Variants in ZP2 observed in about 807,000 individuals in gnomAD.
ZP2 encodes the protein zona pellucida sperm-binding protein 2.
ZP2 carries 51 observed loss-of-function variants against 84.0 expected under a neutral mutation model. That is an observed-to-expected ratio of 0.61 (90% CI 0.49 to 0.77). The LOEUF (loss-of-function observed/expected upper bound fraction) is 0.77. ZP2 is among the 30% of genes least tolerant of loss of function. ZP2 has a pLI of 0.00. For missense variants in ZP2, 909 were observed against 911.9 expected (o/e 1.00, Z 0.04); for synonymous variants, 375 against 330.9 (o/e 1.13, Z -1.45).
chr16:21,198,955 G>A (rs2093212148), intron 16 of ZP2, 93 bp from the exon 17 acceptor site: 5 of 1,147,458 alleles, frequency 4.4e-6, no homozygotes, highest in Admixed American at 3.8e-5. Flanking sequence ...GCTCTCTGGA[G>A]TATTTTGTTC....
chr16:21,199,832 C>G lies in ZP2; in HGVS notation c.1741G>C (p.Gly581Arg). 6.2e-7 allele frequency: 1 copy of G among 1,613,298 alleles called. No homozygotes were observed. The highest frequency in any genetic ancestry group is 8.5e-7 in the Non-Finnish European group (1 of 1,180,002). The change falls in exon 15 of 19, where the codon GGC becomes CGC. Residue 581 changes from glycine to arginine, a missense_variant. Gly to Arg is a moderately radical substitution (Grantham distance 125, BLOSUM62 -2). Transcript: ENST00000574091. Reference sequence around the variant, plus strand: ...TGATCAGGATGGGTCACAGAGGAGCCGACTGGATGGAAGGTGGTCTGGTAG... The same window carrying G: ...TGATCAGGATGGGTCACAGAGGAGCGGACTGGATGGAAGGTGGTCTGGTAG... ...DNYQTTFHPV[G>R]SSVTHPDHYQ...
Position 21,203,124 on chromosome 16 carries a change from C to T in ZP2, c.1099+1G>A, listed in dbSNP as rs1263144021. The T allele has an allele frequency of 8.7e-6, 14 of 1,612,764 alleles. No homozygotes were observed. The highest frequency in any genetic ancestry group is 1.3e-5 in the African/African-American group (1 of 74,832). On this transcript the variant is annotated splice_donor_variant, in intron 10 of 18. Coordinates refer to ENST00000574091, the MANE Select transcript of ZP2 (RefSeq NM_001376232.1). LOFTEE classifies it high-confidence loss of function. ...ACATGATTTTAATAAAAGGTCTTTA[C>T]CTATAGAAACGGGTGACTCACAGAG...
intron 4 of ZP2, among the ~76,000 whole-genome samples, 164 bp downstream of exon 4, chr16:21,209,467 C>A (rs1441189730): frequency 1.3e-5 from 2 of 152,176 alleles, no homozygotes; most frequent in African/African-American, 4.8e-5. Context: ...TCACACCTGG[C>A]CTAGACAGAT....
In ZP2 at chr16:21,203,234, T is replaced by A; in HGVS notation, c.990A>T (p.Leu330=). 6.2e-7 allele frequency: 1 copy of A among 1,613,264 alleles called. No individual in the cohort carries two copies. Among genetic ancestry groups the A allele is most frequent in the Non-Finnish European group, 8.5e-7 (1 of 1,179,666 alleles). The change falls in exon 10 of 19, where the codon CTA becomes CTT. Residue 330 remains leucine (L), a synonymous_variant. Coordinates refer to ENST00000574091, the MANE Select transcript of ZP2 (RefSeq NM_001376232.1). ...LLKTKLSEKC[L]LHQFYLASLK... ...GTGAAGCTAAGTAGAACTGATGGAG[T>A]AGGCATTTTTCAGATAACTGAAATG...
chr16:21,211,679 C>G (rs113674426), upstream of ZP2: 1,017 of 1,567,352 alleles, frequency 6.5e-4, 3 homozygotes, highest in African/African-American at 0.011. Context: ...CCAGCTGAAA[C>G]GGAAGGATTG....
At chr16:21,202,861 G>C (rs1318019308) in intron 10 of ZP2, among the ~76,000 whole-genome samples, 3 of 152,150 alleles carry the variant, frequency 2.0e-5, no homozygotes, top group Admixed American at 2.0e-4. Flanking sequence ...TTCTTACCTA[G>C]ATGTCAGGTT....
intron 12 of ZP2, 27 bp downstream of exon 12, chr16:21,201,905 A>G: frequency 6.2e-7 from 1 of 1,612,976 alleles, no homozygotes. Flanking sequence ...ACTAGAGCTT[A>G]AGAGTCAAAT....
chr16:21,214,397 A>G (rs916516978), upstream of ZP2: 3 of 498,690 alleles, frequency 6.0e-6, no homozygotes, highest in Admixed American at 1.3e-4. Flanking sequence ...GTCTCCTATC[A>G]GGAGGTAGGA....
At chr16:21,209,044 G>C (rs2093262526) in intron 4 of ZP2, among the ~76,000 whole-genome samples, 1 of 152,154 alleles carries the variant, frequency 6.6e-6, no homozygotes, top group Admixed American at 6.5e-5. Flanking sequence ...GAGGAGACTT[G>C]GGTAATGTTG....
At chr16:21,206,350 A>G (rs904359850) in intron 5 of ZP2, among the ~76,000 whole-genome samples, 13 of 152,344 alleles carry the variant, frequency 8.5e-5, no homozygotes, top group Non-Finnish European at 1.2e-4. Flanking sequence ...GAAATCAGGT[A>G]CTATGTAAAA....
chr16:21,199,462 G>A, intron 16 of ZP2, 108 bp downstream of exon 16: 1 of 1,001,110 alleles, frequency 1.0e-6, no homozygotes, highest in East Asian at 2.7e-5. Context: ...CAAGAGCTCT[G>A]GGCAGTAAAT....
Position 21,201,447 on chromosome 16 carries a change from T to C in ZP2, c.1616A>G (p.Lys539Arg), listed in dbSNP as rs2093224748. ...RVLNRDDPNI[K>R]LVLDDCWATS... ...CGCCCAGCAGTCATCTAAGACCAGC[T>C]TGATGTTGGGGTCATCCCTGTTTAG... is the stretch of plus-strand genomic sequence containing the variant. Residue 539 changes from lysine (K) to arginine (R), a missense_variant, in exon 14 of 19, where the codon AAG (lysine) becomes AGG (arginine). Coordinates refer to ENST00000574091, the MANE Select transcript of ZP2 (RefSeq NM_001376232.1). The C allele has an allele frequency of 6.2e-7, 1 of 1,613,544 alleles. No homozygotes were observed. The highest frequency in any genetic ancestry group is 2.2e-5 in the East Asian group (1 of 44,874).
intron 14 of ZP2, 63 bp from the exon 15 acceptor site, chr16:21,199,941 T>C (rs2093217825): frequency 6.3e-7 from 1 of 1,599,424 alleles, no homozygotes; most frequent in South Asian, 1.1e-5. Context: ...ATTCAATGTC[T>C]GCCCAGATTT....
At chr16:21,200,259 G>A (rs569048123) in intron 14 of ZP2, among the ~76,000 whole-genome samples, 3 of 152,128 alleles carry the variant, frequency 2.0e-5, no homozygotes, top group South Asian at 2.1e-4. Flanking sequence ...CCAACATGGT[G>A]AAACCCCGTT....
chr16:21,206,628 T>A (rs979623253), intron 5 of ZP2, among the ~76,000 whole-genome samples: 1 of 152,174 alleles, frequency 6.6e-6, no homozygotes, highest in South Asian at 2.1e-4. Flanking sequence ...CTCAGTAAAT[T>A]CTTAGAGCCA....
chr16:21,197,760 A>G lies in ZP2; in HGVS notation c.2095+6T>C. The G allele has an allele frequency of 6.2e-7, 1 of 1,614,122 alleles. No homozygotes were observed. Among genetic ancestry groups the G allele is most frequent in the Non-Finnish European group, 8.5e-7 (1 of 1,180,016 alleles). ...TTCAGAAGTTTGCAACATTGAATAA[A>G]CTTACCTCGTGAGCCAACCTCCTCC... On this transcript the variant is annotated splice_donor_region_variant and intron_variant, in intron 18 of 18. Transcript: ENST00000574091.
At position 21,206,886 on chromosome 16, in the gene ZP2, C is replaced by G. The variant is rs2093252327; in HGVS notation, c.435G>C (p.Glu145Asp). 1.9e-6 allele frequency: 3 copies of G among 1,614,036 alleles called. No homozygotes were observed. Among genetic ancestry groups the G allele is most frequent in the East Asian group, 2.2e-5 (1 of 44,894 alleles). Reference sequence around the variant, plus strand: ...TTGTAGATGCTGAAAGCCCCTGGGTCTCTTCTACTTGCATAGCTGGACAGA... The same window carrying G: ...TTGTAGATGCTGAAAGCCCCTGGGTGTCTTCTACTTGCATAGCTGGACAGA... ...QFFCPAMQVE[E>D]TQGLSASTIC... Residue 145 changes from glutamate (E) to aspartate (D), a missense_variant, in exon 5 of 19, where the codon GAG (glutamate) becomes GAC (aspartate). Physicochemically the swap from Glu to Asp is conservative, Grantham distance 45. Transcript: ENST00000574091.
At chr16:21,200,516 A>G (rs1567212260) in intron 14 of ZP2, among the ~76,000 whole-genome samples, 1 of 152,210 alleles carries the variant, frequency 6.6e-6, no homozygotes, top group South Asian at 2.1e-4. Context: ...CCAAGTACAC[A>G]CTATTCCATA....
intron 10 of ZP2, 142 bp downstream of exon 10, chr16:21,202,983 A>T: frequency 2.0e-6 from 2 of 1,006,034 alleles, no homozygotes; most frequent in Non-Finnish European, 2.8e-6. Flanking sequence ...CGTAGCAGCT[A>T]CACTGTTTCT....
Sources: allele counts gnomAD v4.1 joint callset (sites outside exome capture counted in the v4.1 genomes callset), GRCh38; gene constraint gnomAD v4.1.1; transcripts MANE v1.5; gene names NCBI Gene and HGNC (gene_info 2026-07-23, HGNC 2026-07-21).